Variants in AZIN1 observed in about 807,000 individuals in gnomAD.
The protein encoded by AZIN1 is antizyme inhibitor 1.
In AZIN1, 12 loss-of-function variants were observed where a neutral mutation model predicts 47.4. That is an observed-to-expected ratio of 0.25 (90% CI 0.16 to 0.41). AZIN1 has a LOEUF of 0.41. AZIN1 is among the 10% of genes least tolerant of loss of function. The pLI is 1.00. For synonymous variants in AZIN1, 155 were observed against 176.3 expected, an observed-to-expected ratio of 0.88 and a Z score of 0.96; for missense variants, 410 against 532.4, an observed-to-expected ratio of 0.77 and a Z score of 2.26.
chr8:102,861,385 G>A (rs906412485), intron 1 of AZIN1, among the ~76,000 whole-genome samples: 1 of 151,720 alleles, frequency 6.6e-6, no homozygotes, highest in Non-Finnish European at 1.5e-5. Context: ...CAGCCACCAC[G>A]CCCGGCTAAT....
intron 4 of AZIN1, among the ~76,000 whole-genome samples, 196 bp downstream of exon 4, chr8:102,839,454 A>G (rs1399988349): frequency 2.0e-5 from 3 of 152,242 alleles, no homozygotes; most frequent in Admixed American, 6.5e-5. Context: ...TCAAAGGCTC[A>G]TTACACTGAA....
At chr8:102,845,817 GAAA>G (rs144395054) in intron 2 of AZIN1, among the ~76,000 whole-genome samples, 1 of 150,344 alleles carries the variant, frequency 6.7e-6, no homozygotes, top group Non-Finnish European at 1.5e-5. Context: ...CTTTGAAATG[GAAA>G]AAAAAATAAG....
chr8:102,842,711 A>AAAAAAAC (rs1032927406), intron 3 of AZIN1, among the ~76,000 whole-genome samples: 4 of 151,488 alleles, frequency 2.6e-5, no homozygotes, highest in Non-Finnish European at 5.9e-5. Context: ...CATCTCAAAA[A>AAAAAAAC]AAAAAACAAA....
chr8:102,838,927 G>A lies in AZIN1; in HGVS notation c.277-11C>T. 1 of 1,606,914 alleles carries A rather than the reference G, an allele frequency of 6.2e-7. No individual in the cohort carries two copies. Among genetic ancestry groups the A allele is most frequent in the Non-Finnish European group, 8.5e-7 (1 of 1,176,040 alleles). ...TAAAGCCATTTCATTCTGTGAAAAT[G>A]AGGTTAAAGTGAGAATACATAATGT... On this transcript the variant is annotated splice_polypyrimidine_tract_variant and intron_variant, in intron 4 of 11. Coordinates refer to ENST00000337198, the MANE Select transcript of AZIN1 (RefSeq NM_148174.4).
intron 2 of AZIN1, among the ~76,000 whole-genome samples, chr8:102,856,777 A>G (rs1813321788): frequency 6.6e-6 from 1 of 152,240 alleles, no homozygotes; most frequent in African/African-American, 2.4e-5. Context: ...ATGGACTAAC[A>G]AAAATTAGGC....
At chr8:102,840,975 C>T (rs917580701) in intron 3 of AZIN1, among the ~76,000 whole-genome samples, 4 of 127,432 alleles carry the variant, frequency 3.1e-5, no homozygotes, top group East Asian at 2.1e-4. Context: ...AAGGTATTTA[C>T]GGGAACCACA....
Position 102,858,082 on chromosome 8 carries a change from G to A in AZIN1, c.-165C>T, listed in dbSNP as rs1052932699. 3 of 398,876 alleles carry A rather than the reference G, an allele frequency of 7.5e-6. No homozygotes were observed. The highest frequency in any genetic ancestry group is 4.1e-5 in the African/African-American group (2 of 48,614). 24.7% of individuals were successfully genotyped at this position (398,876 alleles called of 1,614,324 possible). On this transcript the variant is annotated 5_prime_UTR_variant, in exon 2 of 12. Transcript: ENST00000337198. ...CCCAAGGTGGCTCAGCGTTGAAGTC[G>A]AACTGCTCTCTATACAGCACTTCTC...
At chr8:102,829,683 A>C in intron 10 of AZIN1, 138 bp downstream of exon 10, 3 of 825,892 alleles carry the variant, frequency 3.6e-6, no homozygotes, top group Non-Finnish European at 5.9e-6. Flanking sequence ...AAGGGACTCC[A>C]CCAGAAGAAC....
chr8:102,843,893 A>G (rs1328473538), intron 2 of AZIN1, 146 bp from the exon 3 acceptor site: 1 of 595,650 alleles, frequency 1.7e-6, no homozygotes, highest in Non-Finnish European at 2.6e-6. Flanking sequence ...ATTTCCTTTA[A>G]CGCCCATTTA....
chr8:102,854,969 A>C (rs1225048691), intron 2 of AZIN1, among the ~76,000 whole-genome samples: 1 of 152,182 alleles, frequency 6.6e-6, no homozygotes, highest in East Asian at 1.9e-4. Flanking sequence ...CCATTAGGCT[A>C]ATTCATTAAT....
chr8:102,830,628 A>G (rs932478710), intron 9 of AZIN1, among the ~76,000 whole-genome samples: 10 of 150,882 alleles, frequency 6.6e-5, no homozygotes, highest in African/African-American at 2.2e-4. Context: ...TGGATAACAG[A>G]GCAAAAACCC....
At position 102,847,623 on chromosome 8, in the gene AZIN1, A is replaced by G. The variant is rs1006133666; in HGVS notation, c.-95-3876T>C. On this transcript the variant is annotated intron_variant, in intron 2 of 11. Coordinates refer to ENST00000337198, the MANE Select transcript of AZIN1 (RefSeq NM_148174.4). ...ACTCTTGTCACCCAGACTGGAGTGC[A>G]GTGGCATCACAGCCCACCGAAGCCT... is the stretch of plus-strand genomic sequence containing the variant. Among the ~76,000 whole-genome samples the G allele has an allele frequency of 6.6e-5, 10 of 150,718 alleles. No homozygotes were observed. In the East Asian group the frequency reaches 1.9e-3, roughly 29 times the overall value.
At position 102,829,903 on chromosome 8, in the gene AZIN1, A is replaced by C. The variant is rs756031022; in HGVS notation, c.938T>G (p.Met313Arg). ...ATAAACACCATCATTCATATAATAC[A>C]TGAAGGCTGGTTCATCACTTCCGGT... The part of the protein sequence containing the change: ...EKTGSDEPAF[M>R]YYMNDGVYGS... The change falls in exon 10 of 12, where the codon ATG becomes AGG. Residue 313 changes from methionine (M) to arginine (R), a missense_variant. Physicochemically the swap from Met to Arg is moderately conservative, Grantham distance 91 (BLOSUM62 -1). Coordinates refer to ENST00000337198, the MANE Select transcript of AZIN1 (RefSeq NM_148174.4). 1 of 1,612,130 alleles carries C rather than the reference A, an allele frequency of 6.2e-7. No individual in the cohort carries two copies. The highest frequency in any genetic ancestry group is 8.5e-7 in the Non-Finnish European group (1 of 1,179,186).
intron 11 of AZIN1, 63 bp downstream of exon 11, chr8:102,829,209 T>G (rs1811282565): frequency 1.4e-6 from 2 of 1,394,912 alleles, no homozygotes; most frequent in Non-Finnish European, 2.0e-6. Flanking sequence ...GAATTAAAAC[T>G]TATTAGCAAG....
chr8:102,849,103 G>C (rs1812766467), intron 2 of AZIN1, among the ~76,000 whole-genome samples: 1 of 151,998 alleles, frequency 6.6e-6, no homozygotes, highest in African/African-American at 2.4e-5. Flanking sequence ...AGACCATCCT[G>C]GCCAACATGG....
chr8:102,832,145 A>C (rs1410397568), intron 9 of AZIN1, among the ~76,000 whole-genome samples: 4 of 152,182 alleles, frequency 2.6e-5, no homozygotes, highest in African/African-American at 9.6e-5. Flanking sequence ...AAAAATGTCA[A>C]AGTTAAAAAA....
At chr8:102,864,169 G>A (rs545553582), upstream of AZIN1, 90 of 182,412 alleles carry the variant, frequency 4.9e-4, no homozygotes, top group Non-Finnish European at 5.3e-4. Context: ...AGTGTGAGAA[G>A]GCGGCGCCAG....
At chr8:102,840,911 T>C (rs570621796) in intron 3 of AZIN1, among the ~76,000 whole-genome samples, 58 of 152,292 alleles carry the variant, frequency 3.8e-4, no homozygotes, top group African/African-American at 1.3e-3. Flanking sequence ...TCCCAAGATA[T>C]GATATCTATG....
chr8:102,850,970 T>C (rs1812881316), intron 2 of AZIN1, among the ~76,000 whole-genome samples: 1 of 152,168 alleles, frequency 6.6e-6, no homozygotes, highest in Non-Finnish European at 1.5e-5. Context: ...AAAATGTAGC[T>C]TAATGAGAAA....
Sources: allele counts gnomAD v4.1 joint callset (sites outside exome capture counted in the v4.1 genomes callset), GRCh38; gene constraint gnomAD v4.1.1; transcripts MANE v1.5; gene names NCBI Gene and HGNC (gene_info 2026-07-23, HGNC 2026-07-21).